SMC3: variants seen among roughly 807,000 people sequenced by gnomAD.
The protein encoded by SMC3 is structural maintenance of chromosomes protein 3.
SMC3 carries 20 observed loss-of-function variants against 171.8 expected under a neutral mutation model. That is an observed-to-expected ratio of 0.12 (90% confidence interval 0.08 to 0.17). The LOEUF (loss-of-function observed/expected upper bound fraction) is 0.17, where lower values mean the gene tolerates loss of function less well. SMC3 is among the 10% of genes least tolerant of loss of function. The pLI, the probability that SMC3 is intolerant of heterozygous loss-of-function variation, is 1.00. For missense variants in SMC3, 543 were observed against 1,420.4 expected, an observed-to-expected ratio of 0.38 and a Z score of 9.93; for synonymous variants, 464 against 451.1, an observed-to-expected ratio of 1.03 and a Z score of -0.36.
At chr10:110,581,747 A>G (rs1317662596) in intron 8 of SMC3, among the ~76,000 whole-genome samples, 176 bp from the exon 9 acceptor site, 3 of 152,162 alleles carry the variant, frequency 2.0e-5, no homozygotes, top group African/African-American at 7.2e-5. Flanking sequence ...AAAATTTGCA[A>G]CCTCTGGCAT....
rs780709993 is a variant in SMC3 at position 110,602,979 on chromosome 10, C to G, written c.3452C>G (p.Ala1151Gly). 12 of 1,614,130 alleles carry G rather than the reference C, an allele frequency of 7.4e-6. No individual in the cohort carries two copies. The highest frequency in any genetic ancestry group is 1.0e-5 in the Non-Finnish European group (12 of 1,180,026). The part of the protein sequence containing the change: ...LFDEIDQALD[A>G]QHRKAVSDMI... The stretch of plus-strand genomic sequence containing the variant: ...GATGAAATTGACCAGGCTCTGGATG[C>G]TCAGCACAGAAAGGCTGTGTCAGGT... The change falls in exon 27 of 29, where the codon GCT (alanine) becomes GGT (glycine). Residue 1151 changes from alanine (A) to glycine (G), a missense_variant. By Grantham distance (60) the Ala-to-Gly change is moderately conservative. Coordinates refer to ENST00000361804, the MANE Select transcript of SMC3 (RefSeq NM_005445.4).
chr10:110,594,224 C>G (rs959857873), intron 18 of SMC3, among the ~76,000 whole-genome samples: 1 of 148,018 alleles, frequency 6.8e-6, no homozygotes, highest in Non-Finnish European at 1.5e-5. Context: ...TTACTTTTTT[C>G]CACAACAAAA....
chr10:110,586,918 A>G (rs1861127528), intron 13 of SMC3, among the ~76,000 whole-genome samples: 1 of 152,132 alleles, frequency 6.6e-6, no homozygotes. Flanking sequence ...GAGCCTCCCA[A>G]AGTGCTGGGA....
chr10:110,581,902 T>G (rs769036234), intron 8 of SMC3, 21 bp from the exon 9 acceptor site: 27 of 1,600,004 alleles, frequency 1.7e-5, no homozygotes, highest in Non-Finnish European at 2.3e-5. Context: ...TTCTTCCACC[T>G]CTCTCCCCAT....
chr10:110,604,094 CAAAAAAAAAAA>C (rs57491050), intron 28 of SMC3, 126 bp from the exon 29 acceptor site: 30 of 230,244 alleles, frequency 1.3e-4, no homozygotes, highest in Non-Finnish European at 2.2e-4. Context: ...GACTCCATCT[CAAAAAAAAAAA>C]AAAAAAAAAA....
rs576736009 is a variant in SMC3 at position 110,604,772 on chromosome 10, T to C, written c.*470T>C. The C allele has an allele frequency of 1.9e-4, 31 of 165,568 alleles. No individual in the cohort carries two copies. Among genetic ancestry groups the C allele is most frequent in the African/African-American group, 7.2e-4 (30 of 41,642 alleles). The allele number at this position is 165,568 out of a possible 1,614,324, so 10.3% of individuals were successfully genotyped here. Reference sequence around the variant, plus strand: ...CCAAATACAGTTAAATTTGAGGTATTGAGGGTTAGGACTTCAACATGTGAG... The same window carrying C: ...CCAAATACAGTTAAATTTGAGGTATCGAGGGTTAGGACTTCAACATGTGAG... On this transcript the variant is annotated 3_prime_UTR_variant, in exon 29 of 29. Transcript: ENST00000361804.
intron 5 of SMC3, 149 bp from the exon 6 acceptor site, chr10:110,577,686 A>C: frequency 1.4e-6 from 1 of 693,808 alleles, no homozygotes; most frequent in South Asian, 1.8e-5. Context: ...GTCTTGGTTA[A>C]GAGTATTGAG....
At chr10:110,592,597 AAAATT>A (rs1443060959) in intron 17 of SMC3, among the ~76,000 whole-genome samples, 9 of 152,262 alleles carry the variant, frequency 5.9e-5, no homozygotes, top group Admixed American at 3.3e-4. Flanking sequence ...TAAAATATGT[AAAATT>A]AAAACATTTT....
rs1183579171 is a variant in SMC3 at position 110,602,372 on chromosome 10, G to A, written c.3106-102G>A. 9.3e-6 allele frequency: 10 copies of A among 1,078,852 alleles called. No homozygotes were observed. In the East Asian group the frequency reaches 2.6e-4, roughly 28 times the overall value. 66.8% of individuals were successfully genotyped at this position (1,078,852 alleles called of 1,614,324 possible). A position where few individuals can be genotyped will look rare whatever the true frequency, so the allele number is the denominator to read the frequency against. On this transcript the variant is annotated intron_variant, in intron 25 of 28. Transcript: ENST00000361804. ...TAGAAGGATCTAGTCTGTTATCCTT[G>A]TTCTTAAGATTAAAAAATAATTGGT...
At chr10:110,573,368 A>G (rs927893984) in intron 2 of SMC3, among the ~76,000 whole-genome samples, 1 of 152,138 alleles carries the variant, frequency 6.6e-6, no homozygotes, top group Non-Finnish European at 1.5e-5. Flanking sequence ...ATTGTTAAAC[A>G]TATATAGTTA....
At position 110,598,917 on chromosome 10, in the gene SMC3, C is replaced by T. The variant is rs546671269; in HGVS notation, c.2268+627C>T. 6.3e-4 allele frequency among the ~76,000 whole-genome samples: 95 copies of T among 151,990 alleles called. 1 individual carries two copies. The highest frequency in any genetic ancestry group is 6.8e-3 in the Middle Eastern group (2 of 294). On this transcript the variant is annotated intron_variant, in intron 20 of 28. Transcript: ENST00000361804. ...ATGGAATTAGTTGAATATTTGATTC[C>T]GTTTTGTCCAGATTGTATTAAAATT...
Position 110,590,448 on chromosome 10 carries a change from C to T in SMC3, c.1546C>T (p.Leu516=), listed in dbSNP as rs545634275. The change falls in exon 16 of 29, where the codon CTA becomes TTA. Residue 516 remains leucine (L), a synonymous_variant. Transcript: ENST00000361804. ...TGGAATAGACAGCATAAACAAAGTG[C>T]TAGACCACTTCCGTCGAAAAGGAAT... ...LNGIDSINKV[L]DHFRRKGINQ... 1.9e-6 allele frequency: 3 copies of T among 1,613,988 alleles called. No homozygotes were observed. The highest frequency in any genetic ancestry group is 1.3e-5 in the African/African-American group (1 of 75,040).
In SMC3 at chr10:110,593,199, A is replaced by T; in HGVS notation, c.1939A>T (p.Thr647Ser). 6.2e-7 allele frequency: 1 copy of T among 1,614,158 alleles called. No homozygotes were observed. Among genetic ancestry groups the T allele is most frequent in the Non-Finnish European group, 8.5e-7 (1 of 1,179,994 alleles). The change falls in exon 18 of 29, where the codon ACT becomes TCT. Residue 647 changes from threonine to serine, a missense_variant. Physicochemically the swap from Thr to Ser is moderately conservative, Grantham distance 58. Coordinates refer to ENST00000361804, the MANE Select transcript of SMC3 (RefSeq NM_005445.4). ...TTCAACCCAGCTGGCCCGTGCTTTC[A>T]CTATGGACTGTATTACTTTGGAAGG... Reference protein sequence around the residue: ...EVSTQLARAFTMDCITLEGDQ... With the variant: ...EVSTQLARAFSMDCITLEGDQ...
chr10:110,586,217 A>G (rs1423939799), intron 13 of SMC3, among the ~76,000 whole-genome samples: 1 of 152,200 alleles, frequency 6.6e-6, no homozygotes, highest in African/African-American at 2.4e-5. Flanking sequence ...TTCTCACTTT[A>G]CATAAAGAAA....
intron 2 of SMC3, among the ~76,000 whole-genome samples, chr10:110,572,407 G>A (rs914555588): frequency 6.6e-6 from 1 of 152,138 alleles, no homozygotes; most frequent in African/African-American, 2.4e-5. Context: ...AGCAGGTATT[G>A]CATAGTTGTC....
At chr10:110,585,509 T>C (rs1861098221) in intron 13 of SMC3, among the ~76,000 whole-genome samples, 1 of 150,542 alleles carries the variant, frequency 6.6e-6, no homozygotes, top group Admixed American at 6.6e-5. Context: ...CAGGCTGGTC[T>C]TGAACTCCTG....
chr10:110,573,236 T>A (rs1474824179), intron 2 of SMC3, among the ~76,000 whole-genome samples: 1 of 152,206 alleles, frequency 6.6e-6, no homozygotes, highest in Non-Finnish European at 1.5e-5. Flanking sequence ...ACCTTAAAAT[T>A]ATTTATATTT....
rs1861065553 is a variant in SMC3 at position 110,583,713 on chromosome 10, T to A, written c.970-128T>A. On this transcript the variant is annotated intron_variant, in intron 11 of 28. Coordinates refer to ENST00000361804, the MANE Select transcript of SMC3 (RefSeq NM_005445.4). ...AACTTGGTACTGTCCCTTTGTTTCT[T>A]ACATTAAAAAAGAGTTTCATGTTAC... is the stretch of plus-strand genomic sequence containing the variant. 6.5e-6 allele frequency: 8 copies of A among 1,230,722 alleles called. No individual in the cohort carries two copies. The East Asian group carries it at 1.9e-4, about 29-fold the overall frequency. 76.2% of individuals were successfully genotyped at this position (1,230,722 alleles called of 1,614,324 possible). A position where few individuals can be genotyped will look rare whatever the true frequency, so the allele number is the denominator to read the frequency against.
intron 18 of SMC3, among the ~76,000 whole-genome samples, chr10:110,595,744 A>AT (rs56285126): frequency 1.5e-4 from 22 of 151,020 alleles, no homozygotes; most frequent in Admixed American, 7.3e-4. Context: ...TGATTCATGA[A>AT]TTTTTTTTTT....
Sources: gnomAD v4.1 joint callset for allele counts (sites outside exome capture counted in the v4.1 genomes callset) on GRCh38, gnomAD v4.1.1 for gene constraint, MANE v1.5 for transcripts, NCBI Gene and HGNC (gene_info 2026-07-23, HGNC 2026-07-21) for gene names.